ZFAND3: variants seen among roughly 807,000 people sequenced by gnomAD.
ZFAND3 encodes zinc finger AN1-type containing 3.
A neutral mutation model predicts 29.6 loss-of-function variants in ZFAND3; 10 were observed. The ratio of observed to expected loss-of-function variants is 0.34; its 90% CI spans 0.21 to 0.57. ZFAND3 has a LOEUF of 0.57. Ranked by LOEUF, ZFAND3 falls within the 20% of genes least tolerant of loss-of-function variation. The pLI, the probability that ZFAND3 is intolerant of heterozygous loss-of-function variation, is 0.86. For synonymous variants in ZFAND3, 128 were observed against 112.6 expected, an observed-to-expected ratio of 1.14 and a Z score of -0.87; for missense variants, 230 against 304.5, an observed-to-expected ratio of 0.76 and a Z score of 1.82.
intron 5 of ZFAND3, among the ~76,000 whole-genome samples, chr6:38,121,226 T>G (rs1230701388): frequency 6.6e-6 from 1 of 152,046 alleles, no homozygotes; most frequent in African/African-American, 2.4e-5. Flanking sequence ...TATGAAAAAT[T>G]ATTGCCAGGC....
At chr6:38,078,218 A>C (rs73730865) in intron 3 of ZFAND3, among the ~76,000 whole-genome samples, 4,487 of 152,286 alleles carry the variant, frequency 0.029, 172 homozygotes, top group African/African-American at 0.085. Flanking sequence ...TGCAAATGTG[A>C]TCCATAGTGC....
At chr6:38,009,748 T>C (rs1272800252) in intron 2 of ZFAND3, among the ~76,000 whole-genome samples, 1 of 152,238 alleles carries the variant, frequency 6.6e-6, no homozygotes, top group African/African-American at 2.4e-5. Flanking sequence ...GATCTGAATA[T>C]GTTTTAAGAG....
intron 1 of ZFAND3, among the ~76,000 whole-genome samples, chr6:37,892,161 A>G (rs1765116951): frequency 6.6e-6 from 1 of 152,242 alleles, no homozygotes; most frequent in Admixed American, 6.5e-5. Context: ...ATATGGGATG[A>G]AATTAGAAAT....
At chr6:37,918,199 C>T (rs1302891892) in intron 1 of ZFAND3, among the ~76,000 whole-genome samples, 1 of 152,104 alleles carries the variant, frequency 6.6e-6, no homozygotes, top group African/African-American at 2.4e-5. Flanking sequence ...GCCTCAGCCT[C>T]GCAAGTAGCT....
chr6:37,901,271 A>G (rs1765314176), intron 1 of ZFAND3, among the ~76,000 whole-genome samples: 1 of 152,146 alleles, frequency 6.6e-6, no homozygotes, highest in Admixed American at 6.5e-5. Flanking sequence ...AGCAAGGGAG[A>G]TTTGAGTGGT....
intron 1 of ZFAND3, chr6:37,915,734 A>C (rs943451494): frequency 6.6e-6 from 1 of 151,552 alleles, no homozygotes; most frequent in Admixed American, 6.6e-5. Flanking sequence ...CTGCGTTTGC[A>C]CTCTCCCCTG....
chr6:38,042,219 A>G (rs1561977450), intron 2 of ZFAND3, among the ~76,000 whole-genome samples: 2 of 152,084 alleles, frequency 1.3e-5, no homozygotes, highest in South Asian at 2.1e-4. Flanking sequence ...TTATGCATTT[A>G]AAACAATGCA....
At chr6:37,939,536 G>A (rs1313109539) in intron 2 of ZFAND3, among the ~76,000 whole-genome samples, 3 of 152,140 alleles carry the variant, frequency 2.0e-5, no homozygotes, top group Admixed American at 1.3e-4. Flanking sequence ...TATTTTGGGA[G>A]GTGGGGACAG....
chr6:37,924,790 G>T (rs1354503310), intron 1 of ZFAND3, among the ~76,000 whole-genome samples: 1 of 151,670 alleles, frequency 6.6e-6, no homozygotes, highest in Non-Finnish European at 1.5e-5. Flanking sequence ...ACTCTGGTCT[G>T]GGCAACAGAA....
chr6:37,977,233 T>C (rs1762495452), intron 2 of ZFAND3, among the ~76,000 whole-genome samples: 1 of 152,224 alleles, frequency 6.6e-6, no homozygotes, highest in South Asian at 2.1e-4. Context: ...AAATGTTGTG[T>C]TACGTCGTAT....
intron 3 of ZFAND3, among the ~76,000 whole-genome samples, chr6:38,077,026 T>C (rs564933886): frequency 1.3e-5 from 2 of 152,284 alleles, no homozygotes; most frequent in South Asian, 4.1e-4. Context: ...TTTTTGAAGA[T>C]AATTTTACAT....
chr6:37,896,213 A>T (rs1271451440), intron 1 of ZFAND3, among the ~76,000 whole-genome samples: 1 of 152,068 alleles, frequency 6.6e-6, no homozygotes, highest in African/African-American at 2.4e-5. Flanking sequence ...TTTCTGAAAG[A>T]AAGTTTCCTT....
rs1581685320 is a variant in ZFAND3, at chr6:37,820,034, T to G, written c.71+18T>G. 22 of 582,156 alleles carry G rather than the reference T, an allele frequency of 3.8e-5. No individual in the cohort carries two copies. The highest frequency in any genetic ancestry group is 4.7e-5 in the Non-Finnish European group (20 of 422,294). The allele number at this position is 582,156 out of a possible 1,614,324, so 36.1% of individuals were successfully genotyped here. ...TTCTGGGGGTAAGTGCCCGGCCGGGTGGGGGCGGGGGGCGGGGGCCGGGGG... is the reference window on the plus strand; with the variant it reads ...TTCTGGGGGTAAGTGCCCGGCCGGGGGGGGGCGGGGGGCGGGGGCCGGGGG... On this transcript the variant is annotated intron_variant, in intron 1 of 5. Transcript: ENST00000287218.
chr6:38,103,454 CACAT>C (rs1562000304), intron 4 of ZFAND3, among the ~76,000 whole-genome samples: 1 of 75,060 alleles, frequency 1.3e-5, no homozygotes, highest in Non-Finnish European at 2.8e-5. Context: ...TATATATACA[CACAT>C]ATATACACGT....
intron 2 of ZFAND3, among the ~76,000 whole-genome samples, chr6:37,945,594 C>T (rs546661830): frequency 2.0e-5 from 3 of 152,082 alleles, no homozygotes; most frequent in Non-Finnish European, 2.9e-5. Flanking sequence ...AGTCTAGTCT[C>T]GAACTCCTGA....
intron 2 of ZFAND3, among the ~76,000 whole-genome samples, chr6:37,991,356 T>C (rs1221753426): frequency 1.3e-5 from 2 of 152,028 alleles, no homozygotes; most frequent in Non-Finnish European, 2.9e-5. Flanking sequence ...ATTTATTATT[T>C]ACTTTATTTT....
intron 1 of ZFAND3, among the ~76,000 whole-genome samples, chr6:37,912,996 T>TA (rs1343894277): frequency 6.6e-6 from 1 of 152,188 alleles, no homozygotes; most frequent in African/African-American, 2.4e-5. Context: ...GCATTATGTC[T>TA]AAAAAATGTA....
At chr6:37,851,852 A>G (rs919646682) in intron 1 of ZFAND3, among the ~76,000 whole-genome samples, 1 of 152,224 alleles carries the variant, frequency 6.6e-6, no homozygotes, top group Non-Finnish European at 1.5e-5. Flanking sequence ...TAAGTTGCAC[A>G]TTGCCTGTTT....
chr6:37,913,008 ATACT>A (rs1469494828), intron 1 of ZFAND3, among the ~76,000 whole-genome samples: 1 of 152,206 alleles, frequency 6.6e-6, no homozygotes. Context: ...AAAAATGTAC[ATACT>A]TTAATTAAGA....
Sources: gnomAD v4.1 joint callset for allele counts (sites outside exome capture counted in the v4.1 genomes callset) on GRCh38, gnomAD v4.1.1 for gene constraint, MANE v1.5 for transcripts, NCBI Gene and HGNC (gene_info 2026-07-23, HGNC 2026-07-21) for gene names.